Variants in COPS5 observed in about 807,000 individuals in gnomAD.
COPS5 encodes COP9 signalosome subunit 5, also known as COP9 signalosome complex subunit 5.
Under a neutral mutation model 44.4 loss-of-function variants are expected in COPS5, and 8 were observed. The ratio of observed to expected loss-of-function variants is 0.18; its 90% CI spans 0.11 to 0.32. COPS5 has a LOEUF of 0.32. Among genes scored for constraint, COPS5 ranks in the 10% least tolerant of loss-of-function variants. COPS5 has a pLI of 1.00. For synonymous variants in COPS5, 122 were observed against 142.8 expected (o/e 0.85, Z 1.04); for missense variants, 159 against 406.4 (o/e 0.39, Z 5.23).
chr8:67,060,329 C>T, intron 1 of COPS5: 7 of 1,180,560 alleles, frequency 5.9e-6, no homozygotes, highest in Non-Finnish European at 7.5e-6. Flanking sequence ...ACCTAAAATG[C>T]ACAGCCTGTT....
At chr8:67,056,376 G>A in intron 5 of COPS5, 143 bp downstream of exon 5, 1 of 280,448 alleles carries the variant, frequency 3.6e-6, no homozygotes, top group Admixed American at 5.6e-5. Context: ...AACATTTTTT[G>A]TAGAGATGGG....
At chr8:67,061,341 G>C (rs944645165) in intron 1 of COPS5, 3 of 441,938 alleles carry the variant, frequency 6.8e-6, no homozygotes, top group African/African-American at 6.2e-5. Context: ...TGTAATCCCA[G>C]CACTTTGGAA....
chr8:67,062,001 G>C lies in COPS5; in HGVS notation c.-5C>G. On this transcript the variant is annotated 5_prime_UTR_variant, in exon 1 of 8. Transcript: ENST00000357849. ...ACCGCTCCCGGACGCCGCCATCGCC[G>C]AGGAAGCGGAGAAGTTGTCGTCTCT... 6.2e-7 allele frequency: 1 copy of C among 1,614,188 alleles called. No homozygotes were observed. Among genetic ancestry groups the C allele is most frequent in the Non-Finnish European group, 8.5e-7 (1 of 1,180,036 alleles).
intron 2 of COPS5, among the ~76,000 whole-genome samples, 197 bp from the exon 3 acceptor site, chr8:67,058,408 C>T (rs1804541695): frequency 6.6e-6 from 1 of 152,148 alleles, no homozygotes; most frequent in Non-Finnish European, 1.5e-5. Flanking sequence ...ATATTCTTTG[C>T]ACATACATAG....
intron 1 of COPS5, chr8:67,060,376 C>T (rs1176765191): frequency 8.1e-7 from 1 of 1,237,892 alleles, no homozygotes; most frequent in African/African-American, 1.6e-5. Context: ...CTTAAGCAGC[C>T]TTACAGAGCA....
chr8:67,050,281 G>GT (rs1563445069), intron 6 of COPS5, among the ~76,000 whole-genome samples: 1 of 152,162 alleles, frequency 6.6e-6, no homozygotes, highest in Non-Finnish European at 1.5e-5. Flanking sequence ...GATTACAGGC[G>GT]TAAGCCACCG....
intron 1 of COPS5, chr8:67,060,228 T>C (rs1009068900): frequency 8.6e-6 from 5 of 578,840 alleles, no homozygotes; most frequent in Non-Finnish European, 1.2e-5. Context: ...GTCTCATTAA[T>C]GCAGCCCAAG....
At chr8:67,054,732 A>C (rs190390602) in intron 5 of COPS5, among the ~76,000 whole-genome samples, 1 of 152,254 alleles carries the variant, frequency 6.6e-6, no homozygotes, top group African/African-American at 2.4e-5. Flanking sequence ...TATTCTTTGA[A>C]GTTGGCATAA....
chr8:67,056,636 G>GAAAGAAAAAAAAAAAA (rs1804505802), intron 4 of COPS5, 32 bp from the exon 5 acceptor site: 1 of 14,098 alleles, frequency 7.1e-5, no homozygotes. Flanking sequence ...AGAAGATTAA[G>GAAAGAAAAAAAAAAAA]AAAAAAAAAA....
chr8:67,051,082 T>G, intron 6 of COPS5, 148 bp downstream of exon 6: 1 of 612,156 alleles, frequency 1.6e-6, no homozygotes, highest in East Asian at 2.7e-5. Context: ...AGAATCCTAA[T>G]CCAGCTGTGG....
At position 67,062,116 on chromosome 8, in the gene COPS5, G is replaced by A; in HGVS notation, c.-120C>T. ...GGAACAAACTCTTACCTAGACTCTT[G>A]GGGCAGCCATGACACCTAGAACCGG... On this transcript the variant is annotated 5_prime_UTR_variant, in exon 1 of 8. Transcript: ENST00000357849. 1 of 1,555,234 alleles carries A rather than the reference G, an allele frequency of 6.4e-7. No homozygotes were observed. Among genetic ancestry groups the A allele is most frequent in the Non-Finnish European group, 8.7e-7 (1 of 1,154,338 alleles).
intron 1 of COPS5, chr8:67,060,159 G>T: frequency 4.6e-6 from 1 of 217,190 alleles, no homozygotes; most frequent in Non-Finnish European, 8.9e-6. Context: ...AGTCTCCTAT[G>T]ATCACTATTT....
chr8:67,057,014 T>G (rs1410634488), intron 4 of COPS5, among the ~76,000 whole-genome samples: 1 of 152,132 alleles, frequency 6.6e-6, no homozygotes, highest in African/African-American at 2.4e-5. Flanking sequence ...ACACAGATAC[T>G]TATTAATAAA....
intron 5 of COPS5, among the ~76,000 whole-genome samples, chr8:67,055,403 G>A (rs1295888813): frequency 6.6e-6 from 1 of 152,104 alleles, no homozygotes; most frequent in Non-Finnish European, 1.5e-5. Context: ...AGAAAGACTC[G>A]CCGGAAGGCA....
At chr8:67,060,263 G>T in intron 1 of COPS5, 1 of 915,750 alleles carries the variant, frequency 1.1e-6, no homozygotes, top group Non-Finnish European at 1.4e-6. Flanking sequence ...TATAATTAGA[G>T]CCACAATTAG....
intron 1 of COPS5, chr8:67,061,401 G>A (rs1428918005): frequency 4.4e-6 from 2 of 453,562 alleles, no homozygotes; most frequent in Non-Finnish European, 8.8e-6. Context: ...ATCAGCCTGA[G>A]CAACACAGCG....
intron 6 of COPS5, among the ~76,000 whole-genome samples, chr8:67,046,293 A>G (rs1816698420): frequency 6.6e-6 from 1 of 152,186 alleles, no homozygotes; most frequent in African/African-American, 2.4e-5. Flanking sequence ...GAACTATGGC[A>G]TATTAGTTGA....
chr8:67,051,636 A>C (rs1175564179), intron 5 of COPS5, among the ~76,000 whole-genome samples: 1 of 152,184 alleles, frequency 6.6e-6, no homozygotes, highest in Non-Finnish European at 1.5e-5. Context: ...CCTGTTACTG[A>C]GTTCATAAAT....
rs752081809 is a variant in COPS5, at chr8:67,062,091, G to A, written c.-95C>T. The A allele has an allele frequency of 1.9e-6, 3 of 1,587,912 alleles. No individual in the cohort carries two copies. The South Asian group carries it at 3.4e-5, about 18-fold the overall frequency. The stretch of plus-strand genomic sequence containing the variant: ...GTGGGCCTTGACCCTCCGCACCACG[G>A]GAACAAACTCTTACCTAGACTCTTG... On this transcript the variant is annotated 5_prime_UTR_variant, in exon 1 of 8. Coordinates refer to ENST00000357849, the MANE Select transcript of COPS5 (RefSeq NM_006837.3).
Sources: allele counts gnomAD v4.1 joint callset (sites outside exome capture counted in the v4.1 genomes callset), GRCh38; gene constraint gnomAD v4.1.1; transcripts MANE v1.5; gene names NCBI Gene and HGNC (gene_info 2026-07-23, HGNC 2026-07-21).